CNTNAP5: variants seen among roughly 807,000 people sequenced by gnomAD.
CNTNAP5 encodes contactin associated protein family member 5.
CNTNAP5 carries 72 observed loss-of-function variants against 150.2 expected under a neutral mutation model. The ratio of observed to expected loss-of-function variants is 0.48; its 90% confidence interval spans 0.40 to 0.58. The LOEUF (loss-of-function observed/expected upper bound fraction) is 0.58, where lower values mean the gene tolerates loss of function less well. Ranked by LOEUF, CNTNAP5 falls within the 20% of genes least tolerant of loss-of-function variation. CNTNAP5 has a pLI of 0.00. For synonymous variants in CNTNAP5, 672 were observed against 619.8 expected, an observed-to-expected ratio of 1.08 and a Z score of -1.25; for missense variants, 1,636 against 1,626.2, an observed-to-expected ratio of 1.01 and a Z score of -0.10.
intron 10 of CNTNAP5, among the ~76,000 whole-genome samples, chr2:124,549,443 C>G (rs1450963908): frequency 6.6e-6 from 1 of 152,122 alleles, no homozygotes; most frequent in Non-Finnish European, 1.5e-5. Context: ...CTATCCATAA[C>G]AAATAAATAC....
At chr2:124,650,835 G>A (rs1485434367) in intron 13 of CNTNAP5, among the ~76,000 whole-genome samples, 1 of 152,050 alleles carries the variant, frequency 6.6e-6, no homozygotes, top group Admixed American at 6.5e-5. Context: ...TCTCCTATTT[G>A]GACCTGTAGA....
At chr2:124,535,143 C>G (rs1695200803) in intron 10 of CNTNAP5, among the ~76,000 whole-genome samples, 1 of 152,094 alleles carries the variant, frequency 6.6e-6, no homozygotes, top group South Asian at 2.1e-4. Context: ...CTTCTGGTGA[C>G]CACCGGGCCC....
chr2:124,431,927 T>A (rs529263618), intron 4 of CNTNAP5, among the ~76,000 whole-genome samples: 1 of 152,210 alleles, frequency 6.6e-6, no homozygotes, highest in African/African-American at 2.4e-5. Context: ...TAGTTTAATG[T>A]CTTTACCAGG....
At chr2:124,706,690 T>C (rs1386282743) in intron 13 of CNTNAP5, among the ~76,000 whole-genome samples, 1 of 150,012 alleles carries the variant, frequency 6.7e-6, no homozygotes, top group Non-Finnish European at 1.5e-5. Flanking sequence ...GAGGTTGCAG[T>C]GAGCTGAGAT....
chr2:124,177,542 T>C (rs572926239), intron 1 of CNTNAP5, among the ~76,000 whole-genome samples: 24 of 152,262 alleles, frequency 1.6e-4, no homozygotes, highest in African/African-American at 5.5e-4. Context: ...CCATGTGTCC[T>C]AATCTGTCCT....
chr2:124,527,286 G>A lies in CNTNAP5; in HGVS notation c.1479G>A (p.Gly493=), dbSNP rs751560819. 1.2e-6 allele frequency: 2 copies of A among 1,612,414 alleles called. No homozygotes were observed. The highest frequency in any genetic ancestry group is 1.7e-6 in the Non-Finnish European group (2 of 1,179,062). The change falls in exon 10 of 24, where the codon GGG becomes GGA. Residue 493 remains glycine, a splice_region_variant and synonymous_variant. Transcript: ENST00000682447. ...IYSGNSYYFG[G]CPDNLTDSQC... ...TCATCTTTTTTCTCTGTCCCACAGG[G>A]TGCCCCGACAATCTCACCGATTCCC...
intron 3 of CNTNAP5, among the ~76,000 whole-genome samples, chr2:124,377,053 A>G (rs902625362): frequency 1.3e-5 from 2 of 152,154 alleles, no homozygotes; most frequent in Admixed American, 1.3e-4. Context: ...AGTGTGAGGG[A>G]CAAAATAAAA....
intron 2 of CNTNAP5, among the ~76,000 whole-genome samples, chr2:124,228,519 A>G (rs1686525965): frequency 6.6e-6 from 1 of 152,182 alleles, no homozygotes; most frequent in Non-Finnish European, 1.5e-5. Flanking sequence ...ACACACATTT[A>G]TAAGTTAGCA....
At position 124,285,135 on chromosome 2, in the gene CNTNAP5, T is replaced by C. The variant is rs563001499; in HGVS notation, c.381+42742T>C. Among the ~76,000 whole-genome samples the C allele has an allele frequency of 1.4e-4, 22 of 152,316 alleles. 1 individual carries two copies. In the East Asian group the frequency reaches 1.7e-3, roughly 12 times the overall value. On this transcript the variant is annotated intron_variant, in intron 3 of 23. Transcript: ENST00000682447. ...GTGTTTCTGTTTTCCACCGGGCAAC[T>C]TGAGTAGCTTTAGTTTGTAAGATCC...
At position 124,392,913 on chromosome 2, in the gene CNTNAP5, C is replaced by T. The variant is rs116279610; in HGVS notation, c.382-24530C>T. On this transcript the variant is annotated intron_variant, in intron 3 of 23. Transcript: ENST00000682447. ...AAACTCTTCCTTAAATATATTCAGG[C>T]ATGTACAGACAATGAAGTCTGATGT... 5.4e-3 allele frequency among the ~76,000 whole-genome samples: 824 copies of T among 152,274 alleles called. 6 individuals carry two copies. Among genetic ancestry groups the T allele is most frequent in the Middle Eastern group, 0.014 (4 of 294 alleles).
chr2:124,139,847 CG>C (rs1684066113), intron 1 of CNTNAP5, among the ~76,000 whole-genome samples: 1 of 152,148 alleles, frequency 6.6e-6, no homozygotes, highest in Non-Finnish European at 1.5e-5. Flanking sequence ...ACGCAGAAGA[CG>C]GGTGATTTCT....
At chr2:124,696,400 C>T (rs1679408116) in intron 13 of CNTNAP5, among the ~76,000 whole-genome samples, 4 of 152,136 alleles carry the variant, frequency 2.6e-5, no homozygotes, top group Admixed American at 2.6e-4. Flanking sequence ...GAAATAACTC[C>T]TTAAACATCC....
At chr2:124,503,178 CT>C (rs1694315816) in intron 7 of CNTNAP5, among the ~76,000 whole-genome samples, 1 of 152,128 alleles carries the variant, frequency 6.6e-6, no homozygotes, top group Non-Finnish European at 1.5e-5. Flanking sequence ...CAATAATATG[CT>C]CATAGCAGTG....
chr2:124,459,192 C>T (rs535921994), intron 6 of CNTNAP5, among the ~76,000 whole-genome samples: 3 of 152,196 alleles, frequency 2.0e-5, no homozygotes, highest in Admixed American at 6.5e-5. Context: ...GCTTTGCTCA[C>T]GGTGCTCCTT....
At chr2:124,091,566 A>G (rs999442020) in intron 1 of CNTNAP5, among the ~76,000 whole-genome samples, 1 of 152,174 alleles carries the variant, frequency 6.6e-6, no homozygotes, top group Non-Finnish European at 1.5e-5. Context: ...ATATGTAAAG[A>G]ACCTAGTCCA....
At chr2:124,134,528 G>T (rs545768470) in intron 1 of CNTNAP5, among the ~76,000 whole-genome samples, 27 of 152,252 alleles carry the variant, frequency 1.8e-4, no homozygotes, top group African/African-American at 6.5e-4. Flanking sequence ...CTCAGCCAGT[G>T]TTCTGGCACA....
chr2:124,537,239 T>A (rs1038764267), intron 10 of CNTNAP5, among the ~76,000 whole-genome samples: 3 of 152,154 alleles, frequency 2.0e-5, no homozygotes, highest in African/African-American at 7.2e-5. Context: ...ATTAGGCCTG[T>A]CCTGGCACTG....
At chr2:124,467,703 T>C (rs1400003609) in intron 6 of CNTNAP5, among the ~76,000 whole-genome samples, 1 of 152,136 alleles carries the variant, frequency 6.6e-6, no homozygotes, top group Non-Finnish European at 1.5e-5. Context: ...GGACTAAATC[T>C]ATAGTTCAAT....
chr2:124,654,788 C>T (rs895230951), intron 13 of CNTNAP5, among the ~76,000 whole-genome samples: 7 of 152,008 alleles, frequency 4.6e-5, no homozygotes, highest in African/African-American at 7.3e-5. Context: ...CCTCCACAGA[C>T]ACACGCCTAA....
Sources: allele counts gnomAD v4.1 joint callset (sites outside exome capture counted in the v4.1 genomes callset), GRCh38; gene constraint gnomAD v4.1.1; transcripts MANE v1.5; gene names NCBI Gene and HGNC (gene_info 2026-07-23, HGNC 2026-07-21).